The following DCLRE1C variants were observed in gnomAD, a reference collection of about 807,000 sequenced individuals.
The protein encoded by DCLRE1C is DNA cross-link repair 1C, also known as protein artemis.
Under a neutral mutation model 61.4 loss-of-function variants are expected in DCLRE1C, and 47 were observed. That is an observed-to-expected ratio of 0.77 (90% CI 0.61 to 0.98). DCLRE1C has a LOEUF of 0.98. DCLRE1C is among the 50% of genes least tolerant of loss of function. The pLI, the probability that DCLRE1C is intolerant of heterozygous loss-of-function variation, is 0.00. For synonymous variants in DCLRE1C, 337 were observed against 287.6 expected (o/e 1.17, Z -1.74); for missense variants, 858 against 816.0 (o/e 1.05, Z -0.63).
At chr10:14,913,145 T>C (rs1380344145) in intron 13 of DCLRE1C, among the ~76,000 whole-genome samples, 1 of 152,278 alleles carries the variant, frequency 6.6e-6, no homozygotes, top group African/African-American at 2.4e-5. Flanking sequence ...CGCGAGCCAC[T>C]GTGCCTGGCC....
chr10:14,908,597 T>C lies in DCLRE1C; in HGVS notation c.1890A>G (p.Ile630Met), dbSNP rs201350418. The C allele has an allele frequency of 4.3e-6, 7 of 1,614,178 alleles. No individual in the cohort carries two copies. The highest frequency in any genetic ancestry group is 5.9e-6 in the Non-Finnish European group (7 of 1,180,038). The change falls in exon 14 of 14, where the codon ATA becomes ATG. Residue 630 changes from isoleucine to methionine, a missense_variant. By Grantham distance (10) the Ile-to-Met change is conservative (BLOSUM62 1). Coordinates refer to ENST00000378278, the MANE Select transcript of DCLRE1C (RefSeq NM_001033855.3). ...EPTTLSSETH[I>M]PEEKSLLNLS... Reference sequence around the variant, plus strand: ...GATTTAGCAAACTTTTTTCCTCGGGTATATGTGTCTCACTGCTTAGAGTAG... The same window carrying C: ...GATTTAGCAAACTTTTTTCCTCGGGCATATGTGTCTCACTGCTTAGAGTAG...
At chr10:14,951,629 C>A (rs572567338) in intron 1 of DCLRE1C, among the ~76,000 whole-genome samples, 1 of 152,146 alleles carries the variant, frequency 6.6e-6, no homozygotes, top group Admixed American at 6.6e-5. Flanking sequence ...AGATGCGGGG[C>A]GATTTGGTTT....
At chr10:14,935,419 A>AAAAAT (rs745402414) in intron 6 of DCLRE1C, 44 bp downstream of exon 6, 125 of 1,589,310 alleles carry the variant, frequency 7.9e-5, no homozygotes, top group East Asian at 1.8e-4. Context: ...TCCATTTCAC[A>AAAAAT]AAAATAAAAT....
intron 4 of DCLRE1C, 65 bp downstream of exon 4, chr10:14,939,745 G>A (rs1054008678): frequency 1.4e-4 from 189 of 1,384,234 alleles, no homozygotes; most frequent in Non-Finnish European, 1.8e-4. Context: ...AAATCAAAGA[G>A]AAATATAAAC....
intron 9 of DCLRE1C, among the ~76,000 whole-genome samples, chr10:14,929,478 C>CA (rs1198363353): frequency 2.8e-5 from 4 of 144,574 alleles, no homozygotes; most frequent in Admixed American, 1.4e-4. Flanking sequence ...TCCATCTCTA[C>CA]AAAAAAATGT....
intron 11 of DCLRE1C, among the ~76,000 whole-genome samples, chr10:14,925,036 A>G (rs1411607353): frequency 6.6e-6 from 1 of 151,960 alleles, no homozygotes; most frequent in Non-Finnish European, 1.5e-5. Flanking sequence ...CATAAAAATA[A>G]AAGGGCTACT....
intron 4 of DCLRE1C, among the ~76,000 whole-genome samples, chr10:14,937,750 G>C (rs544747882): frequency 6.6e-6 from 1 of 152,008 alleles, no homozygotes; most frequent in African/African-American, 2.4e-5. Flanking sequence ...AATTAGCTGC[G>C]CATGGTGGTG....
chr10:14,899,270 T>C (rs750345072), exon 14 of DCLRE1C: 124 of 702,104 alleles, frequency 1.8e-4, no homozygotes, highest in Non-Finnish European at 2.9e-4. Flanking sequence ...CAGGGAGTCA[T>C]GATGGCACCA....
At position 14,953,175 on chromosome 10, in the gene DCLRE1C, AAGTT is replaced by A. The variant is rs199644790; in HGVS notation, c.109+723_109+726del. On this transcript the variant is annotated intron_variant, in intron 1 of 13. Transcript: ENST00000378278. ...GCATTAAAACTGTTTTCCCTGGTAA[AAGTT>A]AGTGACTTGTTAGCACAATAGAAGT... Among the ~76,000 whole-genome samples, 1,106 of 152,324 alleles carry A rather than the reference AAGTT, an allele frequency of 7.3e-3. 15 individuals are homozygous for A. Among genetic ancestry groups the A allele is most frequent in the African/African-American group, 0.025 (1,053 of 41,556 alleles).
intron 5 of DCLRE1C, among the ~76,000 whole-genome samples, chr10:14,936,100 G>A (rs760704820): frequency 6.6e-6 from 1 of 151,948 alleles, no homozygotes; most frequent in African/African-American, 2.4e-5. Flanking sequence ...CACCATGTTG[G>A]CCAGGCTGGT....
At chr10:14,940,174 CCTCT>C (rs1282144036) in intron 3 of DCLRE1C, among the ~76,000 whole-genome samples, 1 of 152,128 alleles carries the variant, frequency 6.6e-6, no homozygotes, top group African/African-American at 2.4e-5. Context: ...CTCCCATTCC[CCTCT>C]CTCTCTGAAT....
intron 1 of DCLRE1C, among the ~76,000 whole-genome samples, chr10:14,951,065 C>T (rs1386230781): frequency 6.6e-6 from 1 of 152,010 alleles, no homozygotes; most frequent in Non-Finnish European, 1.5e-5. Flanking sequence ...GGGTCCATAG[C>T]CTACTCCGAA....
chr10:14,923,273 T>G (rs1259004340), intron 11 of DCLRE1C: 4 of 557,722 alleles, frequency 7.2e-6, no homozygotes, highest in Non-Finnish European at 1.3e-5. Context: ...TCCTGAACAC[T>G]GAGTACTAGT....
At chr10:14,939,697 A>G (rs529243586) in intron 4 of DCLRE1C, 113 bp downstream of exon 4, 547 of 853,584 alleles carry the variant, frequency 6.4e-4, no homozygotes, top group Non-Finnish European at 8.9e-4. Context: ...AAAGAGAAAG[A>G]TTGAGGGTAT....
chr10:14,945,045 C>G, intron 3 of DCLRE1C, 60 bp downstream of exon 3: 1 of 1,328,610 alleles, frequency 7.5e-7, no homozygotes, highest in Non-Finnish European at 1.1e-6. Context: ...TTTTGTCAAT[C>G]TACCTCTAAA....
chr10:14,927,980 G>GT (rs1264367974), intron 10 of DCLRE1C, 36 bp downstream of exon 10: 2 of 1,610,152 alleles, frequency 1.2e-6, no homozygotes, highest in African/African-American at 2.7e-5. Flanking sequence ...TTTACTCAAA[G>GT]TTTCTCTCAG....
intron 13 of DCLRE1C, among the ~76,000 whole-genome samples, chr10:14,919,110 C>T (rs1485892894): frequency 6.6e-6 from 1 of 152,056 alleles, no homozygotes; most frequent in East Asian, 1.9e-4. Context: ...TACTGCATGG[C>T]AGAGTAACTG....
intron 11 of DCLRE1C, among the ~76,000 whole-genome samples, chr10:14,925,672 T>C (rs1356700430): frequency 6.6e-6 from 1 of 152,170 alleles, no homozygotes; most frequent in East Asian, 1.9e-4. Context: ...CTAACATACA[T>C]ATTTTCTCTA....
chr10:14,900,639 G>C (rs983116495), downstream of DCLRE1C, among the ~76,000 whole-genome samples: 7 of 152,152 alleles, frequency 4.6e-5, no homozygotes, highest in African/African-American at 1.4e-4. Context: ...TAAGTTTACT[G>C]TAGTATTCTC....
Sources: allele counts gnomAD v4.1 joint callset (sites outside exome capture counted in the v4.1 genomes callset), GRCh38; gene constraint gnomAD v4.1.1; transcripts MANE v1.5; gene names NCBI Gene and HGNC (gene_info 2026-07-23, HGNC 2026-07-21).